The following CUL4A variants were observed in gnomAD, a reference collection of about 807,000 sequenced individuals.
CUL4A encodes the protein cullin 4A.
In CUL4A, 16 loss-of-function variants were observed where a neutral mutation model predicts 95.5. That is an observed-to-expected ratio of 0.17 (90% CI 0.11 to 0.25). The LOEUF (loss-of-function observed/expected upper bound fraction) is 0.25. Ranked by LOEUF, CUL4A falls within the 10% of genes least tolerant of loss-of-function variation. The pLI is 1.00. For synonymous variants in CUL4A, 380 were observed against 353.1 expected (o/e 1.08, Z -0.85); for missense variants, 610 against 937.0 (o/e 0.65, Z 4.56).
chr13:113,263,459 T>C, intron 19 of CUL4A, 28 bp from the exon 20 acceptor site: 2 of 1,434,828 alleles, frequency 1.4e-6, no homozygotes, highest in Non-Finnish European at 1.9e-6. Context: ...GCCATTGTAA[T>C]TAGGGGGGTT....
At chr13:113,210,150 G>C in intron 2 of CUL4A, 62 bp downstream of exon 2, 3 of 1,202,484 alleles carry the variant, frequency 2.5e-6, no homozygotes, top group African/African-American at 1.6e-5. Flanking sequence ...ACGCGGCCGG[G>C]CGGCCGCTCC....
rs369874050 is a variant in CUL4A, at chr13:113,245,958, T to C, written c.1533T>C (p.His511=). The C allele has an allele frequency of 9.3e-6, 15 of 1,608,136 alleles. No homozygotes were observed. The highest frequency in any genetic ancestry group is 1.3e-5 in the Non-Finnish European group (15 of 1,175,778). Residue 511 remains histidine, a splice_region_variant and synonymous_variant, in exon 15 of 20, where the codon CAT becomes CAC. Transcript: ENST00000375440. ...SKDIMVHFKQ[H]MQNQSDSGPI... is the part of the protein sequence containing the mutation. The stretch of plus-strand genomic sequence containing the variant: ...TGTCTTGGATTTCTCTGTTTTAGCA[T>C]ATGCAGAATCAGAGTGACTCAGGCC...
At position 113,253,071 on chromosome 13, in the gene CUL4A, A is replaced by G. The variant is rs1474493709; in HGVS notation, c.1639-11A>G. 5.4e-6 allele frequency: 8 copies of G among 1,488,978 alleles called. No homozygotes were observed. The highest frequency in any genetic ancestry group is 2.3e-5 in the East Asian group (1 of 43,838). The allele number at this position is 1,488,978 out of a possible 1,614,324, so 92.2% of individuals were successfully genotyped here. A position where few individuals can be genotyped will look rare whatever the true frequency, so the allele number is the denominator to read the frequency against. On this transcript the variant is annotated splice_polypyrimidine_tract_variant and intron_variant, in intron 15 of 19. Coordinates refer to ENST00000375440, the MANE Select transcript of CUL4A (RefSeq NM_001008895.4). ...TGTGGCATAATTTTGTTGTTCTCCT[A>G]TGCTTAACAGATGATTAAACTTCAG...
Position 113,260,211 on chromosome 13 carries a change from A to AAAAAAAAACAAAACAAAAC in CUL4A, c.2032-387_2032-386insAAAACAAAACAAAAAAAAC, listed in dbSNP as rs1555307264. Among the ~76,000 whole-genome samples the AAAAAAAAACAAAACAAAAC allele has an allele frequency of 2.9e-4, 35 of 119,522 alleles. 3 individuals are homozygous for AAAAAAAAACAAAACAAAAC. Among genetic ancestry groups the AAAAAAAAACAAAACAAAAC allele is most frequent in the African/African-American group, 1.1e-3 (30 of 27,710 alleles). 78.4% of individuals were successfully genotyped at this position (119,522 alleles called of 152,430 possible). ...AGAGTGAGACTCCGTCTCAAAAAAA[A>AAAAAAAAACAAAACAAAAC]AAAAAAAACCATTTCCCATCAAATT... On this transcript the variant is annotated intron_variant, in intron 18 of 19. Transcript: ENST00000375440.
At position 113,236,813 on chromosome 13, in the gene CUL4A, C is replaced by T. The variant is rs749423293; in HGVS notation, c.849-10C>T. On this transcript the variant is annotated splice_polypyrimidine_tract_variant and intron_variant, in intron 8 of 19. Coordinates refer to ENST00000375440, the MANE Select transcript of CUL4A (RefSeq NM_001008895.4). Reference sequence around the variant, plus strand: ...TTACTTCTAACGCTTATTCTTTTTACCTTATATAGGAAACCACTGATTGCT... The same window carrying T: ...TTACTTCTAACGCTTATTCTTTTTATCTTATATAGGAAACCACTGATTGCT... The T allele has an allele frequency of 6.3e-7, 1 of 1,588,682 alleles. No homozygotes were observed. The highest frequency in any genetic ancestry group is 1.7e-5 in the Admixed American group (1 of 58,214).
At chr13:113,216,149 G>A (rs1487344155) in intron 2 of CUL4A, among the ~76,000 whole-genome samples, 1 of 151,546 alleles carries the variant, frequency 6.6e-6, no homozygotes, top group Admixed American at 6.6e-5. Context: ...TGTGGCTGTG[G>A]AGGTCTTTGT....
At chr13:113,244,615 G>A in intron 12 of CUL4A, 101 bp downstream of exon 12, 2 of 805,174 alleles carry the variant, frequency 2.5e-6, no homozygotes, top group Non-Finnish European at 4.2e-6. Flanking sequence ...TATCAGTAGA[G>A]CCAGTTTGCA....
upstream of CUL4A, chr13:113,208,623 A>C (rs1299179516): frequency 5.6e-6 from 9 of 1,606,734 alleles, no homozygotes; most frequent in Non-Finnish European, 7.6e-6. Context: ...GGTTAATGGT[A>C]ATGTGCGCCA....
At chr13:113,255,420 A>G (rs1171217093) in intron 18 of CUL4A, among the ~76,000 whole-genome samples, 2 of 152,180 alleles carry the variant, frequency 1.3e-5, no homozygotes, top group East Asian at 1.9e-4. Context: ...CACACTTTCT[A>G]TGGTAATAGA....
At chr13:113,221,502 C>CGG (rs1566327726) in intron 3 of CUL4A, among the ~76,000 whole-genome samples, 1 of 152,184 alleles carries the variant, frequency 6.6e-6, no homozygotes, top group Non-Finnish European at 1.5e-5. Context: ...ACCCGAATGG[C>CGG]GGTGGCAAAA....
intron 18 of CUL4A, among the ~76,000 whole-genome samples, chr13:113,257,832 A>C (rs979274080): frequency 2.3e-4 from 35 of 152,312 alleles, no homozygotes; most frequent in Admixed American, 1.6e-3. Context: ...CATGTTGCAG[A>C]AATTATTTTA....
At chr13:113,216,761 C>CA (rs1480802091) in intron 2 of CUL4A, among the ~76,000 whole-genome samples, 1 of 152,086 alleles carries the variant, frequency 6.6e-6, no homozygotes, top group Non-Finnish European at 1.5e-5. Flanking sequence ...TATAACAGCA[C>CA]AAAAAAGTCT....
intron 19 of CUL4A, among the ~76,000 whole-genome samples, chr13:113,261,720 G>T (rs563834190): frequency 6.6e-6 from 1 of 151,590 alleles, no homozygotes; most frequent in Admixed American, 6.6e-5. Flanking sequence ...AGACCAGGGC[G>T]CCCACTCTGC....
At chr13:113,234,129 C>T (rs761164721) in intron 7 of CUL4A, 143 bp downstream of exon 7, 26 of 569,750 alleles carry the variant, frequency 4.6e-5, no homozygotes, top group Non-Finnish European at 6.6e-5. Flanking sequence ...TGCCAGAATC[C>T]CCAGTAATGA....
chr13:113,258,144 C>A (rs936617915), intron 18 of CUL4A, among the ~76,000 whole-genome samples: 2 of 151,998 alleles, frequency 1.3e-5, no homozygotes, highest in African/African-American at 4.8e-5. Context: ...CATATGCCAC[C>A]ACGCCCAGCT....
intron 16 of CUL4A, among the ~76,000 whole-genome samples, chr13:113,254,334 C>T (rs1024407935): frequency 6.6e-6 from 1 of 152,188 alleles, no homozygotes; most frequent in African/African-American, 2.4e-5. Context: ...TAAAAGAAAG[C>T]TGGACTGTAA....
intron 10 of CUL4A, among the ~76,000 whole-genome samples, chr13:113,240,903 A>T (rs2041690190): frequency 6.6e-6 from 1 of 152,192 alleles, no homozygotes; most frequent in Non-Finnish European, 1.5e-5. Context: ...AACCGTTGCC[A>T]TTGGAGGAAA....
chr13:113,224,892 G>A (rs552392096), intron 3 of CUL4A, among the ~76,000 whole-genome samples: 153 of 152,300 alleles, frequency 1.0e-3, no homozygotes, highest in African/African-American at 3.4e-3. Context: ...TCGGCCTAGG[G>A]CTGTCCCCTC....
chr13:113,234,357 G>C (rs563036159), intron 7 of CUL4A, among the ~76,000 whole-genome samples: 5 of 152,078 alleles, frequency 3.3e-5, no homozygotes, highest in South Asian at 2.1e-4. Flanking sequence ...CCCAAAAAAA[G>C]CTGTGCGAAA....
Sources: allele counts gnomAD v4.1 joint callset (sites outside exome capture counted in the v4.1 genomes callset), GRCh38; gene constraint gnomAD v4.1.1; transcripts MANE v1.5; gene names NCBI Gene and HGNC (gene_info 2026-07-23, HGNC 2026-07-21).